Variants in VSIG1 observed in about 807,000 individuals in gnomAD.
The protein encoded by VSIG1 is V-set and immunoglobulin domain containing 1.
Under a neutral mutation model 20.1 loss-of-function variants are expected in VSIG1, and 11 were observed. The ratio of observed to expected loss-of-function variants is 0.55; its 90% CI spans 0.34 to 0.91. VSIG1 has a LOEUF of 0.91. VSIG1 is among the 40% of genes least tolerant of loss of function. VSIG1 has a pLI of 0.02. For missense variants in VSIG1, 283 were observed against 298.8 expected (o/e 0.95, Z 0.39); for synonymous variants, 126 against 116.7 (o/e 1.08, Z -0.52).
the VSIG1 span, among the ~76,000 whole-genome samples, chrX:108,038,623 T>C: frequency 8.9e-6 from 1 of 112,600 alleles, no homozygotes; most frequent in Non-Finnish European, 1.9e-5. Context: ...TGTCCATCAG[T>C]GATAGGCTGG....
At chrX:108,021,471 A>G in the VSIG1 span, among the ~76,000 whole-genome samples, 5 of 112,507 alleles carry the variant, frequency 4.4e-5, no homozygotes, top group South Asian at 3.7e-4. Context: ...ATTATCAGAT[A>G]TAAGATTTAC....
At chrX:108,032,646 C>T in the VSIG1 span, among the ~76,000 whole-genome samples, 1 of 111,619 alleles carries the variant, frequency 9.0e-6, no homozygotes, top group Non-Finnish European at 1.9e-5. Context: ...GAGCAAAACC[C>T]TACAGACAAC....
At position 108,058,172 on chromosome X, in the gene VSIG1, T is replaced by C; in HGVS notation, c.184T>C (p.Phe62Leu). Residue 62 changes from phenylalanine (F) to leucine (L), a missense_variant, in exon 2 of 7, where the codon TTC (phenylalanine) becomes CTC (leucine). Coordinates refer to ENST00000217957, the MANE Select transcript of VSIG1 (RefSeq NM_182607.5). The stretch of plus-strand genomic sequence containing the variant: ...ACAGCTTTCCATCCAGTGGTCTTTC[T>C]TCCATAAGAAGGAGATGGAGCCAAT... ...REQLSIQWSF[F>L]HKKEMEPISI... 8.3e-7 allele frequency: 1 copy of C among 1,209,995 alleles called. No homozygotes were observed. Among genetic ancestry groups the C allele is most frequent in the Non-Finnish European group, 1.1e-6 (1 of 894,790 alleles).
In VSIG1 at chrX:108,047,831, CACAT is replaced by C. The variant is rs1388473528; in HGVS notation, c.49+2654_49+2657del. 1.5e-4 allele frequency among the ~76,000 whole-genome samples: 5 copies of C among 32,574 alleles called. 1 individual carries two copies. The highest frequency in any genetic ancestry group is 7.7e-4 in the African/African-American group (5 of 6,458). The allele number at this position is 32,574 out of a possible 115,157, so 28.3% of individuals were successfully genotyped here. The stretch of plus-strand genomic sequence containing the variant: ...ATACATATATATATACATATATATA[CACAT>C]ATATATATACATATATATATACACA... On this transcript the variant is annotated intron_variant, in intron 1 of 6. Transcript: ENST00000217957.
chrX:108,050,434 C>T (rs772890950), intron 1 of VSIG1, among the ~76,000 whole-genome samples: 23 of 112,046 alleles, frequency 2.1e-4, no homozygotes, highest in Non-Finnish European at 3.9e-4. Context: ...ACTTGACTTT[C>T]TCTTCCAGTG....
chrX:108,040,234 A>C (rs1210112390), upstream of VSIG1, among the ~76,000 whole-genome samples: 2 of 111,791 alleles, frequency 1.8e-5, no homozygotes, highest in African/African-American at 6.5e-5. Flanking sequence ...ATTCACAGGG[A>C]AAGGAATACC....
At chrX:108,063,526 G>A (rs777707033) in intron 2 of VSIG1, among the ~76,000 whole-genome samples, 205 of 111,240 alleles carry the variant, frequency 1.8e-3, no homozygotes, top group African/African-American at 6.4e-3. Flanking sequence ...TCAACAGTTC[G>A]AATGCCTTGT....
At position 108,067,271 on chromosome X, in the gene VSIG1, G is replaced by A. The variant is rs1266393169; in HGVS notation, c.412+137G>A. ...TAATATTTTCATTATCAGGGAAATAGAGACAAGCCACCAGCCCAACCAAAA... is the reference window on the plus strand; with the variant it reads ...TAATATTTTCATTATCAGGGAAATAAAGACAAGCCACCAGCCCAACCAAAA... On this transcript the variant is annotated intron_variant, in intron 3 of 6. Coordinates refer to ENST00000217957, the MANE Select transcript of VSIG1 (RefSeq NM_182607.5). 3 of 667,141 alleles carry A rather than the reference G, an allele frequency of 4.5e-6. No individual in the cohort carries two copies. In the African/African-American group the frequency reaches 6.6e-5, roughly 15 times the overall value. The allele number at this position is 667,141 out of a possible 1,213,427, so 55.0% of individuals were successfully genotyped here.
chrX:108,047,969 T>TATATATACACAC lies in VSIG1; in HGVS notation c.49+2797_49+2798insCACACATATATA, dbSNP rs1569287475. Among the ~76,000 whole-genome samples the TATATATACACAC allele has an allele frequency of 1.2e-4, 5 of 43,073 alleles. 1 individual carries two copies. Among genetic ancestry groups the TATATATACACAC allele is most frequent in the Non-Finnish European group, 1.3e-4 (3 of 23,951 alleles). 37.4% of individuals were successfully genotyped at this position (43,073 alleles called of 115,157 possible). A position where few individuals can be genotyped will look rare whatever the true frequency, so the allele number is the denominator to read the frequency against. The stretch of plus-strand genomic sequence containing the variant: ...ATATATATATACACACACATATATA[T>TATATATACACAC]ATATATATATATATATATATATATA... On this transcript the variant is annotated intron_variant, in intron 1 of 6. Coordinates refer to ENST00000217957, the MANE Select transcript of VSIG1 (RefSeq NM_182607.5).
At chrX:108,034,996 T>C in the VSIG1 span, among the ~76,000 whole-genome samples, 1 of 112,545 alleles carries the variant, frequency 8.9e-6, no homozygotes, top group African/African-American at 3.2e-5. Flanking sequence ...TTTGTTTGCT[T>C]CTTATGATTT....
chrX:108,063,076 A>G (rs2031059753), intron 2 of VSIG1, among the ~76,000 whole-genome samples: 1 of 112,377 alleles, frequency 8.9e-6, no homozygotes, highest in Non-Finnish European at 1.9e-5. Flanking sequence ...TTGGCACAGT[A>G]GGAAGGGAAA....
chrX:108,036,707 C>T, the VSIG1 span, among the ~76,000 whole-genome samples: 4 of 112,109 alleles, frequency 3.6e-5, no homozygotes, highest in African/African-American at 1.3e-4. Flanking sequence ...GGCCCTCCTT[C>T]AATACGCCCT....
At chrX:108,070,150 A>G (rs1398972210) in intron 3 of VSIG1, among the ~76,000 whole-genome samples, 1 of 112,806 alleles carries the variant, frequency 8.9e-6, no homozygotes, top group Non-Finnish European at 1.9e-5. Context: ...ACCTTCCGCA[A>G]TTTGGCACAT....
chrX:108,038,734 G>C, the VSIG1 span, among the ~76,000 whole-genome samples: 4 of 112,180 alleles, frequency 3.6e-5, no homozygotes, highest in African/African-American at 1.3e-4. Flanking sequence ...TCAACAAGGA[G>C]AGCAGTATGG....
chrX:108,073,266 T>G lies in VSIG1; in HGVS notation c.585T>G (p.Ile195Met). ...VKENFNPTTG[I>M]LVIGNLTNFE... ...TTTCAACAGACCCAACCACCGGGAT[T>G]TTGGTCATTGGAAATCTGACAAATT... is the stretch of plus-strand genomic sequence containing the variant. The change falls in exon 5 of 7, where the codon ATT becomes ATG. Residue 195 changes from isoleucine to methionine, a missense_variant. Transcript: ENST00000217957. 1 of 1,211,330 alleles carries G rather than the reference T, an allele frequency of 8.3e-7. No homozygotes were observed. The highest frequency in any genetic ancestry group is 1.8e-5 in the South Asian group (1 of 56,829).
In VSIG1 at chrX:108,047,887, C is replaced by CACATATATATATAT. The variant is rs1569287199; in HGVS notation, c.49+2711_49+2712insTATATATATATACA. Among the ~76,000 whole-genome samples the CACATATATATATAT allele has an allele frequency of 2.5e-4, 6 of 24,475 alleles. 1 individual carries two copies. Among genetic ancestry groups the CACATATATATATAT allele is most frequent in the African/African-American group, 7.8e-4 (3 of 3,838 alleles). The allele number at this position is 24,475 out of a possible 115,157, so 21.3% of individuals were successfully genotyped here. ...ATATATATACACATATATATATATACACACATATATATATATACACATATA... is the reference window on the plus strand; with the variant it reads ...ATATATATACACATATATATATATACACATATATATATATACACATATATATATATACACATATA... On this transcript the variant is annotated intron_variant, in intron 1 of 6. Transcript: ENST00000217957.
rs1245259974 is a variant in VSIG1, at chrX:108,046,554, G to GTT, written c.49+1388_49+1389dup. 6.5e-3 allele frequency among the ~76,000 whole-genome samples: 648 copies of GTT among 100,348 alleles called. 8 individuals carry two copies. Among genetic ancestry groups the GTT allele is most frequent in the African/African-American group, 0.022 (611 of 27,811 alleles). 87.1% of individuals were successfully genotyped at this position (100,348 alleles called of 115,157 possible). A position where few individuals can be genotyped will look rare whatever the true frequency, so the allele number is the denominator to read the frequency against. ...GGGTTTGGAACGGTTGTTAAGAACA[G>GTT]TTTTTTTTTTTTTTAACTGTACCTA... On this transcript the variant is annotated intron_variant, in intron 1 of 6. Transcript: ENST00000217957.
At chrX:108,031,781 T>C in the VSIG1 span, among the ~76,000 whole-genome samples, 1 of 112,372 alleles carries the variant, frequency 8.9e-6, no homozygotes, top group African/African-American at 3.2e-5. Context: ...ACATGATCTT[T>C]TAAAGTATGT....
chrX:108,048,066 C>T (rs2030701717), intron 1 of VSIG1, among the ~76,000 whole-genome samples: 1 of 96,139 alleles, frequency 1.0e-5, no homozygotes, highest in African/African-American at 3.9e-5. Context: ...TGCAATGGCA[C>T]GATCTCGGCC....
Sources: gnomAD v4.1 joint callset for allele counts (sites outside exome capture counted in the v4.1 genomes callset) on GRCh38, gnomAD v4.1.1 for gene constraint, MANE v1.5 for transcripts, NCBI Gene and HGNC (gene_info 2026-07-23, HGNC 2026-07-21) for gene names.